H2BC9: variants seen among roughly 807,000 people sequenced by gnomAD.
H2BC9 encodes histone H2B type 1-H.
Under a neutral mutation model 5.8 loss-of-function variants are expected in H2BC9, and 11 were observed. That is an observed-to-expected ratio of 1.89 (90% CI 1.19 to 3.12). H2BC9 has a LOEUF of 3.12. H2BC9 is among the 30% of genes most tolerant of loss of function. The pLI is 0.00. For missense variants in H2BC9, 219 were observed against 167.8 expected (o/e 1.30, Z -1.68); for synonymous variants, 136 against 72.2 (o/e 1.88, Z -4.48).
rs199520662 is a variant in H2BC9 at position 26,251,883 on chromosome 6, C to T, written c.233C>T (p.Ala78Val). Residue 78 changes from alanine to valine, a missense_variant, in exon 1 of 1, where the codon GCT becomes GTT. Ala to Val is a moderately conservative substitution (Grantham distance 64). Coordinates refer to ENST00000619466, the MANE Select transcript of H2BC9 (RefSeq NM_003524.3). Reference protein sequence around the residue: ...NDIFERIAGEASRLAHYNKRS... With the variant: ...NDIFERIAGEVSRLAHYNKRS... ...ATCTTCGAGCGCATCGCCGGCGAGG[C>T]TTCCCGCCTGGCTCATTACAACAAG... 8.1e-5 allele frequency: 131 copies of T among 1,614,230 alleles called. 1 individual carries two copies. In the Middle Eastern group the frequency reaches 1.6e-3, roughly 20 times the overall value.
In H2BC9 at chr6:26,251,845, C is replaced by T. The variant is rs752423430; in HGVS notation, c.195C>T (p.Ser65=). The stretch of plus-strand genomic sequence containing the variant: ...CCAAAGCCATGGGGATCATGAATTC[C>T]TTTGTCAACGATATCTTCGAGCGCA... ...ISSKAMGIMN[S]FVNDIFERIA... is the part of the protein sequence containing the mutation. The change falls in exon 1 of 1, where the codon TCC becomes TCT. Residue 65 remains serine (S), a synonymous_variant. Transcript: ENST00000619466. 6.2e-6 allele frequency: 10 copies of T among 1,614,088 alleles called. No individual in the cohort carries two copies. The highest frequency in any genetic ancestry group is 4.5e-5 in the East Asian group (2 of 44,904).
At position 26,251,724 on chromosome 6, in the gene H2BC9, AGGAT is replaced by A. The variant is rs1760077131; in HGVS notation, c.77_80del (p.Asp26AlafsTer20). 6.2e-7 allele frequency: 1 copy of A among 1,614,088 alleles called. No homozygotes were observed. Among genetic ancestry groups the A allele is most frequent in the Non-Finnish European group, 8.5e-7 (1 of 1,180,038 alleles). On this transcript the variant is annotated frameshift_variant, in exon 1 of 1. Coordinates refer to ENST00000619466, the MANE Select transcript of H2BC9 (RefSeq NM_003524.3). LOFTEE classifies it high-confidence loss of function. ...AAGGCGGTGACCAAGGCGCAGAAGA[AGGAT>A]GGCAAGAAGCGTAAACGCAGCCGCA... is the stretch of plus-strand genomic sequence containing the variant.
At position 26,251,965 on chromosome 6, in the gene H2BC9, G is replaced by A. The variant is rs765281161; in HGVS notation, c.315G>A (p.Gly105=). The A allele has an allele frequency of 6.2e-7, 1 of 1,614,098 alleles. No homozygotes were observed. The highest frequency in any genetic ancestry group is 8.5e-7 in the Non-Finnish European group (1 of 1,180,054). The part of the protein sequence containing the change: ...IQTAVRLLLP[G]ELAKHAVSEG... ...CAGCCGTGCGCCTGCTGCTGCCTGG[G>A]GAACTGGCCAAGCACGCCGTGTCCG... The change falls in exon 1 of 1, where the codon GGG becomes GGA. Residue 105 remains glycine, a synonymous_variant. Coordinates refer to ENST00000619466, the MANE Select transcript of H2BC9 (RefSeq NM_003524.3).
chr6:26,252,075 A>G lies in H2BC9; in HGVS notation c.*44A>G. 1 of 1,609,352 alleles carries G rather than the reference A, an allele frequency of 6.2e-7. No homozygotes were observed. Among genetic ancestry groups the G allele is most frequent in the Non-Finnish European group, 8.5e-7 (1 of 1,178,578 alleles). ...CCAAAGGCTCTTTTCAGAGCCACTTAATGATTTCAATTAAGAGTTTTAATG... is the reference window on the plus strand; with the variant it reads ...CCAAAGGCTCTTTTCAGAGCCACTTGATGATTTCAATTAAGAGTTTTAATG... On this transcript the variant is annotated 3_prime_UTR_variant, in exon 1 of 1. Transcript: ENST00000619466.
Position 26,251,770 on chromosome 6 carries a change from A to G in H2BC9, c.120A>G (p.Val40=), listed in dbSNP as rs370577046. The G allele has an allele frequency of 2.5e-6, 4 of 1,614,254 alleles. No individual in the cohort carries two copies. The highest frequency in any genetic ancestry group is 3.3e-5 in the Admixed American group (2 of 60,032). Residue 40 remains valine (V), a synonymous_variant, in exon 1 of 1, where the codon GTA becomes GTG. Coordinates refer to ENST00000619466, the MANE Select transcript of H2BC9 (RefSeq NM_003524.3). ...GCAGCCGCAAGGAGAGCTACTCCGT[A>G]TACGTTTACAAGGTGCTGAAGCAAG... The part of the protein sequence containing the change: ...RKRSRKESYS[V]YVYKVLKQVH...
In H2BC9 at chr6:26,252,065, A is replaced by G. The variant is rs372652924; in HGVS notation, c.*34A>G. ...ATGTTCAAACCCAAAGGCTCTTTTCAGAGCCACTTAATGATTTCAATTAAG... is the reference window on the plus strand; with the variant it reads ...ATGTTCAAACCCAAAGGCTCTTTTCGGAGCCACTTAATGATTTCAATTAAG... On this transcript the variant is annotated 3_prime_UTR_variant, in exon 1 of 1. Coordinates refer to ENST00000619466, the MANE Select transcript of H2BC9 (RefSeq NM_003524.3). 2.2e-5 allele frequency: 35 copies of G among 1,612,722 alleles called. No homozygotes were observed. Among genetic ancestry groups the G allele is most frequent in the Non-Finnish European group, 2.8e-5 (33 of 1,179,678 alleles).
In H2BC9 at chr6:26,251,828, A is replaced by C. The variant is rs755422462; in HGVS notation, c.178A>C (p.Met60Leu). 3.7e-6 allele frequency: 6 copies of C among 1,614,082 alleles called. No homozygotes were observed. In the East Asian group the frequency reaches 1.1e-4, roughly 30 times the overall value. ...CGACACCGGCATCTCCTCCAAAGCCATGGGGATCATGAATTCCTTTGTCAA... is the reference window on the plus strand; with the variant it reads ...CGACACCGGCATCTCCTCCAAAGCCCTGGGGATCATGAATTCCTTTGTCAA... ...HPDTGISSKA[M>L]GIMNSFVNDI... is the part of the protein sequence containing the mutation. The change falls in exon 1 of 1, where the codon ATG (methionine) becomes CTG (leucine). Residue 60 changes from methionine (M) to leucine (L), a missense_variant. By Grantham distance (15) the Met-to-Leu change is conservative (BLOSUM62 2). Coordinates refer to ENST00000619466, the MANE Select transcript of H2BC9 (RefSeq NM_003524.3).
Position 26,251,833 on chromosome 6 carries a change from G to A in H2BC9, c.183G>A (p.Gly61=), listed in dbSNP as rs890500897. 1.9e-6 allele frequency: 3 copies of A among 1,614,112 alleles called. No homozygotes were observed. Among genetic ancestry groups the A allele is most frequent in the East Asian group, 2.2e-5 (1 of 44,902 alleles). Residue 61 remains glycine (G), a synonymous_variant, in exon 1 of 1, where the codon GGG becomes GGA. Coordinates refer to ENST00000619466, the MANE Select transcript of H2BC9 (RefSeq NM_003524.3). ...PDTGISSKAM[G]IMNSFVNDIF... ...CCGGCATCTCCTCCAAAGCCATGGG[G>A]ATCATGAATTCCTTTGTCAACGATA... is the stretch of plus-strand genomic sequence containing the variant.
In H2BC9 at chr6:26,251,908, G is replaced by C. The variant is rs774087359; in HGVS notation, c.258G>C (p.Lys86Asn). ...CTTCCCGCCTGGCTCATTACAACAA[G>C]CGTTCGACCATCACCTCCAGGGAGA... ...GEASRLAHYN[K>N]RSTITSREIQ... Residue 86 changes from lysine to asparagine, a missense_variant, in exon 1 of 1, where the codon AAG becomes AAC. Lys to Asn is a moderately conservative substitution (Grantham distance 94). Transcript: ENST00000619466. 3 of 1,614,078 alleles carry C rather than the reference G, an allele frequency of 1.9e-6. No individual in the cohort carries two copies. Among genetic ancestry groups the C allele is most frequent in the Non-Finnish European group, 2.5e-6 (3 of 1,180,042 alleles).
rs542798893 is a variant in H2BC9, at chr6:26,251,904, A to G, written c.254A>G (p.Asn85Ser). The change falls in exon 1 of 1, where the codon AAC (asparagine) becomes AGC (serine). Residue 85 changes from asparagine (N) to serine (S), a missense_variant. Physicochemically the swap from Asn to Ser is conservative, Grantham distance 46. Transcript: ENST00000619466. ...GAGGCTTCCCGCCTGGCTCATTACA[A>G]CAAGCGTTCGACCATCACCTCCAGG... ...AGEASRLAHY[N>S]KRSTITSREI... is the part of the protein sequence containing the mutation. The G allele has an allele frequency of 2.7e-5, 43 of 1,614,192 alleles. No homozygotes were observed. In the East Asian group the frequency reaches 6.9e-4, roughly 26 times the overall value.
rs1760088158 is a variant in H2BC9 at position 26,251,893 on chromosome 6, G to A, written c.243G>A (p.Leu81=). Residue 81 remains leucine (L), a synonymous_variant, in exon 1 of 1, where the codon CTG becomes CTA. Coordinates refer to ENST00000619466, the MANE Select transcript of H2BC9 (RefSeq NM_003524.3). The part of the protein sequence containing the change: ...FERIAGEASR[L]AHYNKRSTIT... ...GCATCGCCGGCGAGGCTTCCCGCCT[G>A]GCTCATTACAACAAGCGTTCGACCA... is the stretch of plus-strand genomic sequence containing the variant. 7 of 1,614,068 alleles carry A rather than the reference G, an allele frequency of 4.3e-6. No individual in the cohort carries two copies. The highest frequency in any genetic ancestry group is 1.3e-5 in the African/African-American group (1 of 74,912).
Position 26,251,870 on chromosome 6 carries a change from A to G in H2BC9, c.220A>G (p.Ile74Val), listed in dbSNP as rs1760086804. 1 of 1,614,080 alleles carries G rather than the reference A, an allele frequency of 6.2e-7. No individual in the cohort carries two copies. The highest frequency in any genetic ancestry group is 8.5e-7 in the Non-Finnish European group (1 of 1,180,052). Residue 74 changes from isoleucine to valine, a missense_variant, in exon 1 of 1, where the codon ATC (isoleucine) becomes GTC (valine). Physicochemically the swap from Ile to Val is conservative, Grantham distance 29. Transcript: ENST00000619466. ...NSFVNDIFER[I>V]AGEASRLAHY... ...CTTTGTCAACGATATCTTCGAGCGCATCGCCGGCGAGGCTTCCCGCCTGGC... is the reference window on the plus strand; with the variant it reads ...CTTTGTCAACGATATCTTCGAGCGCGTCGCCGGCGAGGCTTCCCGCCTGGC...
At position 26,251,866 on chromosome 6, in the gene H2BC9, G is replaced by T. The variant is rs1223022874; in HGVS notation, c.216G>T (p.Glu72Asp). 1 of 1,614,108 alleles carries T rather than the reference G, an allele frequency of 6.2e-7. No individual in the cohort carries two copies. The highest frequency in any genetic ancestry group is 8.5e-7 in the Non-Finnish European group (1 of 1,180,050). ...IMNSFVNDIF[E>D]RIAGEASRLA... ...ATTCCTTTGTCAACGATATCTTCGA[G>T]CGCATCGCCGGCGAGGCTTCCCGCC... Residue 72 changes from glutamate (E) to aspartate (D), a missense_variant, in exon 1 of 1, where the codon GAG (glutamate) becomes GAT (aspartate). Transcript: ENST00000619466.
Position 26,251,670 on chromosome 6 carries a change from C to A in H2BC9, c.20C>A (p.Ser7Tyr), listed in dbSNP as rs1485905688. The A allele has an allele frequency of 1.2e-6, 2 of 1,614,070 alleles. No homozygotes were observed. Among genetic ancestry groups the A allele is most frequent in the African/African-American group, 2.7e-5 (2 of 75,010 alleles). The change falls in exon 1 of 1, where the codon TCC becomes TAC. Residue 7 changes from serine to tyrosine, a missense_variant. Transcript: ENST00000619466. ...GTTGCAATGCCTGATCCAGCTAAGT[C>A]CGCTCCCGCCCCGAAGAAGGGCTCC... MPDPAK[S>Y]APAPKKGSKK...
In H2BC9 at chr6:26,251,620, G is replaced by A. The variant is rs551741867; in HGVS notation, c.-31G>A. The A allele has an allele frequency of 6.8e-6, 11 of 1,611,400 alleles. No homozygotes were observed. The South Asian group carries it at 1.1e-4, about 16-fold the overall frequency. ...GCTGTGCTGTTGAGCCTTCACTTTG[G>A]GGTGTATTCTTACTCCTTTATCTTG... On this transcript the variant is annotated 5_prime_UTR_variant, in exon 1 of 1. Transcript: ENST00000619466.
In H2BC9 at chr6:26,251,953, G is replaced by C. The variant is rs551064304; in HGVS notation, c.303G>C (p.Leu101=). The change falls in exon 1 of 1, where the codon CTG becomes CTC. Residue 101 remains leucine, a synonymous_variant. Coordinates refer to ENST00000619466, the MANE Select transcript of H2BC9 (RefSeq NM_003524.3). ...TSREIQTAVR[L]LLPGELAKHA... is the part of the protein sequence containing the mutation. ...GGGAGATCCAGACAGCCGTGCGCCT[G>C]CTGCTGCCTGGGGAACTGGCCAAGC... 6.8e-6 allele frequency: 11 copies of C among 1,614,134 alleles called. No homozygotes were observed. In the African/African-American group the frequency reaches 1.5e-4, roughly 22 times the overall value.
At position 26,251,853 on chromosome 6, in the gene H2BC9, A is replaced by C; in HGVS notation, c.203A>C (p.Asn68Thr). The C allele has an allele frequency of 1.2e-6, 2 of 1,614,178 alleles. No individual in the cohort carries two copies. Among genetic ancestry groups the C allele is most frequent in the South Asian group, 1.1e-5 (1 of 91,076 alleles). The change falls in exon 1 of 1, where the codon AAC becomes ACC. Residue 68 changes from asparagine to threonine, a missense_variant. Transcript: ENST00000619466. ...ATGGGGATCATGAATTCCTTTGTCA[A>C]CGATATCTTCGAGCGCATCGCCGGC... is the stretch of plus-strand genomic sequence containing the variant. ...KAMGIMNSFV[N>T]DIFERIAGEA... is the part of the protein sequence containing the mutation.
Position 26,251,773 on chromosome 6 carries a change from C to T in H2BC9, c.123C>T (p.Tyr41=), listed in dbSNP as rs745906047. ...KRSRKESYSV[Y]VYKVLKQVHP... is the part of the protein sequence containing the mutation. ...GCCGCAAGGAGAGCTACTCCGTATA[C>T]GTTTACAAGGTGCTGAAGCAAGTCC... Residue 41 remains tyrosine (Y), a synonymous_variant, in exon 1 of 1, where the codon TAC becomes TAT. Transcript: ENST00000619466. 1.9e-6 allele frequency: 3 copies of T among 1,614,136 alleles called. No individual in the cohort carries two copies. The highest frequency in any genetic ancestry group is 2.7e-5 in the African/African-American group (2 of 74,948).
At position 26,251,676 on chromosome 6, in the gene H2BC9, C is replaced by A. The variant is rs188255245; in HGVS notation, c.26C>A (p.Pro9His). MPDPAKSA[P>H]APKKGSKKAV... ...ATGCCTGATCCAGCTAAGTCCGCTC[C>A]CGCCCCGAAGAAGGGCTCCAAGAAG... The change falls in exon 1 of 1, where the codon CCC becomes CAC. Residue 9 changes from proline (P) to histidine (H), a missense_variant. By Grantham distance (77) the Pro-to-His change is moderately conservative. Coordinates refer to ENST00000619466, the MANE Select transcript of H2BC9 (RefSeq NM_003524.3). 3.1e-6 allele frequency: 5 copies of A among 1,614,152 alleles called. No homozygotes were observed. Among genetic ancestry groups the A allele is most frequent in the Admixed American group, 3.3e-5 (2 of 60,006 alleles).
Sources: gnomAD v4.1 joint callset for allele counts on GRCh38, gnomAD v4.1.1 for gene constraint, MANE v1.5 for transcripts, NCBI Gene and HGNC (gene_info 2026-07-23, HGNC 2026-07-21) for gene names.